The following DOCK7 variants were observed in gnomAD, a reference collection of about 807,000 sequenced individuals.
DOCK7 encodes the protein dedicator of cytokinesis protein 7.
Under a neutral mutation model 271.0 loss-of-function variants are expected in DOCK7, and 138 were observed. That is an observed-to-expected ratio of 0.51 (90% confidence interval 0.44 to 0.59). The LOEUF (loss-of-function observed/expected upper bound fraction) is 0.59. Among genes scored for constraint, DOCK7 ranks in the 20% least tolerant of loss-of-function variants. The pLI, the probability that DOCK7 is intolerant of heterozygous loss-of-function variation, is 0.00. For synonymous variants in DOCK7, 823 were observed against 876.1 expected, an observed-to-expected ratio of 0.94 and a Z score of 1.07; for missense variants, 2,066 against 2,592.4, an observed-to-expected ratio of 0.80 and a Z score of 4.41.
At chr1:62,456,011 G>T (rs1645337779) in intron 49 of DOCK7, among the ~76,000 whole-genome samples, 1 of 152,186 alleles carries the variant, frequency 6.6e-6, no homozygotes, top group South Asian at 2.1e-4. Context: ...TCTGCAAGAA[G>T]CTTTAGGAGA....
intron 37 of DOCK7, among the ~76,000 whole-genome samples, chr1:62,498,077 G>A (rs1557628615): frequency 9.2e-6 from 1 of 108,136 alleles, no homozygotes; most frequent in African/African-American, 2.8e-5. Context: ...GCATGTCTAC[G>A]AAATTTTTTT....
intron 48 of DOCK7, 85 bp downstream of exon 48, chr1:62,473,897 T>C (rs1645900757): frequency 9.0e-7 from 1 of 1,107,256 alleles, no homozygotes; most frequent in Non-Finnish European, 1.3e-6. Context: ...TTTTCTCTTT[T>C]CAATGGTTCC....
At chr1:62,603,149 T>C (rs1650403950) in intron 14 of DOCK7, among the ~76,000 whole-genome samples, 2 of 151,682 alleles carry the variant, frequency 1.3e-5, no homozygotes, top group South Asian at 2.1e-4. Context: ...AATCTTCTAA[T>C]AGTGAGTGTA....
At chr1:62,626,155 A>C (rs1477908375) in intron 11 of DOCK7, among the ~76,000 whole-genome samples, 1 of 152,170 alleles carries the variant, frequency 6.6e-6, no homozygotes, top group African/African-American at 2.4e-5. Context: ...TGGAAAAAGA[A>C]GGAATAATAG....
chr1:62,620,362 A>G (rs985874113), intron 12 of DOCK7, among the ~76,000 whole-genome samples: 5 of 151,736 alleles, frequency 3.3e-5, no homozygotes, highest in African/African-American at 9.7e-5. Context: ...TATATGATGA[A>G]AAATAAATTT....
chr1:62,555,211 T>C (rs993623950), intron 21 of DOCK7: 1 of 152,344 alleles, frequency 6.6e-6, no homozygotes. Context: ...ATTATTTCAC[T>C]GACCACGAAG....
chr1:62,540,159 C>A (rs1392107178), intron 25 of DOCK7, among the ~76,000 whole-genome samples: 1 of 151,604 alleles, frequency 6.6e-6, no homozygotes, highest in Non-Finnish European at 1.5e-5. Context: ...AAAAAAATTT[C>A]AACCTTTAAA....
chr1:62,601,421 A>C (rs1160537612), intron 14 of DOCK7, among the ~76,000 whole-genome samples: 1 of 151,700 alleles, frequency 6.6e-6, no homozygotes, highest in East Asian at 1.9e-4. Context: ...AAGGTTTATT[A>C]ATTTTCTTAG....
intron 29 of DOCK7, among the ~76,000 whole-genome samples, chr1:62,532,819 T>A (rs779318957): frequency 3.9e-5 from 6 of 152,136 alleles, no homozygotes; most frequent in Non-Finnish European, 7.3e-5. Context: ...GCTTGGTGCA[T>A]TAGAGAAACA....
At chr1:62,560,531 CT>C (rs1646289038) in intron 19 of DOCK7, among the ~76,000 whole-genome samples, 1 of 152,098 alleles carries the variant, frequency 6.6e-6, no homozygotes, top group African/African-American at 2.4e-5. Context: ...CTCATGTTCT[CT>C]ATTTAGGGTA....
chr1:62,665,254 G>C (rs966754738), intron 1 of DOCK7, among the ~76,000 whole-genome samples: 1 of 152,128 alleles, frequency 6.6e-6, no homozygotes, highest in East Asian at 1.9e-4. Flanking sequence ...CTCCCAAAGT[G>C]CTGGGATTAC....
intron 16 of DOCK7, among the ~76,000 whole-genome samples, chr1:62,580,368 T>C (rs1748200): frequency 0.58 from 87,915 of 151,928 alleles, 27,256 homozygotes; most frequent in East Asian, 0.76. Context: ...AAATCACCAC[T>C]GAATTATGAG....
chr1:62,575,094 G>T (rs747458862), intron 18 of DOCK7, among the ~76,000 whole-genome samples: 3 of 152,150 alleles, frequency 2.0e-5, no homozygotes, highest in Non-Finnish European at 4.4e-5. Context: ...GCACTGGCTA[G>T]TCAAAGGCAC....
At position 62,504,438 on chromosome 1, in the gene DOCK7, CA is replaced by C. The variant is rs367867953; in HGVS notation, c.4764+191del. Among the ~76,000 whole-genome samples, 569 of 152,200 alleles carry C rather than the reference CA, an allele frequency of 3.7e-3. 6 individuals are homozygous for C. The highest frequency in any genetic ancestry group is 0.012 in the African/African-American group (517 of 41,518). On this transcript the variant is annotated intron_variant, in intron 37 of 49. Transcript: ENST00000635253. Reference sequence around the variant, plus strand: ...ATATACATACATACATACATACGTACACATGATATGCACACAATTGGAGATT... The same window carrying C: ...ATATACATACATACATACATACGTACCATGATATGCACACAATTGGAGATT...
chr1:62,634,338 CT>C (rs1453523853), intron 9 of DOCK7: 1 of 147,280 alleles, frequency 6.8e-6, no homozygotes, highest in Admixed American at 6.8e-5. Context: ...CCAAAGCAAT[CT>C]ATAAGCTTAA....
At chr1:62,595,603 C>G (rs1290679799) in intron 14 of DOCK7, among the ~76,000 whole-genome samples, 2 of 152,094 alleles carry the variant, frequency 1.3e-5, no homozygotes. Flanking sequence ...GGAAGAGCCT[C>G]TATTTTACAC....
At position 62,529,437 on chromosome 1, in the gene DOCK7, T is replaced by A; in HGVS notation, c.3621A>T (p.Gly1207=). Residue 1207 remains glycine, a synonymous_variant, in exon 30 of 50, where the codon GGA becomes GGT. Transcript: ENST00000635253. ...ILDPDAEGLF[G]LHKKVINMVH... is the part of the protein sequence containing the mutation. ...CCATATTGATGACTTTCTTATGCAATCCAAACAGTCTATTTAAAAAGAAGA... is the reference window on the plus strand; with the variant it reads ...CCATATTGATGACTTTCTTATGCAAACCAAACAGTCTATTTAAAAAGAAGA... The A allele has an allele frequency of 1.2e-6, 2 of 1,605,964 alleles. No individual in the cohort carries two copies. The highest frequency in any genetic ancestry group is 1.7e-6 in the Non-Finnish European group (2 of 1,177,242).
At chr1:62,549,185 C>A in intron 22 of DOCK7, among the ~76,000 whole-genome samples, 1 of 151,900 alleles carries the variant, frequency 6.6e-6, no homozygotes, top group African/African-American at 2.4e-5. Flanking sequence ...AATGTAGTAC[C>A]CTGGAAGCCA....
intron 21 of DOCK7, among the ~76,000 whole-genome samples, chr1:62,553,348 ATATATATTTTTTTTTTTTTTTTTTT>A (rs1443712569): frequency 3.4e-3 from 76 of 22,604 alleles, no homozygotes; most frequent in South Asian, 0.013. Flanking sequence ...ATATATATAT[ATATATATTTTTTTTTTTTTTTTTTT>A]TTTTTTTTTT....
Sources: allele counts gnomAD v4.1 joint callset (sites outside exome capture counted in the v4.1 genomes callset), GRCh38; gene constraint gnomAD v4.1.1; transcripts MANE v1.5; gene names NCBI Gene and HGNC (gene_info 2026-07-23, HGNC 2026-07-21).